The following GNAL variants were observed in gnomAD, a reference collection of about 807,000 sequenced individuals.
GNAL encodes the protein G protein subunit alpha L, also known as guanine nucleotide-binding protein G(olf) subunit alpha.
GNAL carries 18 observed loss-of-function variants against 55.1 expected under a neutral mutation model. That is an observed-to-expected ratio of 0.33 (90% confidence interval 0.23 to 0.48). The LOEUF is 0.48. Among genes scored for constraint, GNAL ranks in the 20% least tolerant of loss-of-function variants. GNAL has a pLI of 0.99. For synonymous variants in GNAL, 253 were observed against 237.0 expected, an observed-to-expected ratio of 1.07 and a Z score of -0.62; for missense variants, 412 against 614.1, an observed-to-expected ratio of 0.67 and a Z score of 3.48.
intron 2 of GNAL, among the ~76,000 whole-genome samples, 171 bp downstream of exon 2, chr18:11,753,096 C>T (rs1345912117): frequency 1.3e-5 from 2 of 151,978 alleles, no homozygotes; most frequent in African/African-American, 4.8e-5. Flanking sequence ...GCAAATCCTT[C>T]TTCTGCTAGT....
chr18:11,714,299 G>A (rs1598407719), intron 1 of GNAL, among the ~76,000 whole-genome samples: 1 of 152,178 alleles, frequency 6.6e-6, no homozygotes, highest in Admixed American at 6.5e-5. Context: ...TTTGTGGACT[G>A]TGCTTTTTCC....
At chr18:11,877,827 G>A (rs553524437) in intron 11 of GNAL, among the ~76,000 whole-genome samples, 1 of 152,284 alleles carries the variant, frequency 6.6e-6, no homozygotes, top group South Asian at 2.1e-4. Context: ...GTAACAATGA[G>A]GAGAAATCAA....
chr18:11,797,645 G>T (rs763928021), intron 4 of GNAL, among the ~76,000 whole-genome samples: 2 of 152,068 alleles, frequency 1.3e-5, no homozygotes, highest in East Asian at 1.9e-4. Context: ...TTGGGTGGTG[G>T]GGGGGCTGGT....
chr18:11,694,841 C>G (rs2031359894), intron 1 of GNAL, among the ~76,000 whole-genome samples: 1 of 152,170 alleles, frequency 6.6e-6, no homozygotes, highest in Non-Finnish European at 1.5e-5. Context: ...GGGTTGGTTT[C>G]TGGTGAGGGC....
chr18:11,876,798 G>C (rs9675350), intron 11 of GNAL, 110 bp downstream of exon 11: 1 of 745,052 alleles, frequency 1.3e-6, no homozygotes. Context: ...TTAACATTAC[G>C]AGCGATGACA....
intron 4 of GNAL, among the ~76,000 whole-genome samples, chr18:11,764,760 G>T (rs1408650881): frequency 1.3e-5 from 2 of 151,802 alleles, no homozygotes; most frequent in Non-Finnish European, 2.9e-5. Context: ...GGGCGGCAGA[G>T]TGAGACCCTG....
rs1237795241 is a variant in GNAL, at chr18:11,752,684, C to T, written c.377-169C>T. The T allele has an allele frequency of 2.3e-6, 3 of 1,278,328 alleles. No individual in the cohort carries two copies. The highest frequency in any genetic ancestry group is 1.7e-5 in the South Asian group (1 of 58,690). The allele number at this position is 1,278,328 out of a possible 1,614,324, so 79.2% of individuals were successfully genotyped here. A position where few individuals can be genotyped will look rare whatever the true frequency, so the allele number is the denominator to read the frequency against. ...AGGGCCGGGCGAGGGTCGCGCGCAC[C>T]TCTGGGCCGCGGAGCCCAGACGGCG... On this transcript the variant is annotated intron_variant, in intron 1 of 11. Coordinates refer to ENST00000334049, the MANE Select transcript of GNAL (RefSeq NM_182978.4). This position sits in a 1 kb window ranked among gnomAD's most constrained non-coding sequence, Gnocchi z 4.5.
chr18:11,773,889 G>A (rs2033705758), intron 4 of GNAL, among the ~76,000 whole-genome samples: 1 of 152,348 alleles, frequency 6.6e-6, no homozygotes, highest in Non-Finnish European at 1.5e-5. Flanking sequence ...ATGGTTAAGA[G>A]TGCAGACTTT....
chr18:11,775,184 C>T (rs1489290975), intron 4 of GNAL, among the ~76,000 whole-genome samples: 1 of 152,196 alleles, frequency 6.6e-6, no homozygotes, highest in African/African-American at 2.4e-5. Context: ...GCAAGTGGTT[C>T]TGGGGGGCCC....
intron 4 of GNAL, among the ~76,000 whole-genome samples, chr18:11,781,334 A>G (rs2033919720): frequency 6.6e-6 from 1 of 152,190 alleles, no homozygotes; most frequent in Non-Finnish European, 1.5e-5. Context: ...AGAAAGCCCA[A>G]CCTTGGATTG....
intron 5 of GNAL, among the ~76,000 whole-genome samples, chr18:11,846,860 G>A (rs1032820699): frequency 4.6e-5 from 7 of 151,886 alleles, no homozygotes; most frequent in Non-Finnish European, 1.0e-4. Context: ...TACAGGCATC[G>A]GCCATCACAC....
chr18:11,800,510 T>C (rs77899362), intron 4 of GNAL, among the ~76,000 whole-genome samples: 1 of 152,308 alleles, frequency 6.6e-6, no homozygotes, highest in African/African-American at 2.4e-5. Context: ...TTTATTGTTG[T>C]GTGGGAGCAG....
intron 5 of GNAL, among the ~76,000 whole-genome samples, chr18:11,850,428 C>T (rs1409021938): frequency 1.3e-5 from 2 of 152,218 alleles, no homozygotes; most frequent in Non-Finnish European, 2.9e-5. Context: ...CAGCCTACCT[C>T]ATTAGGGCAG....
At position 11,878,007 on chromosome 18, in the gene GNAL, A is replaced by G. The variant is rs1290020162; in HGVS notation, c.1230+1319A>G. Among the ~76,000 whole-genome samples the G allele has an allele frequency of 3.3e-5, 5 of 152,366 alleles. No individual in the cohort carries two copies. The East Asian group carries it at 9.6e-4, about 29-fold the overall frequency. On this transcript the variant is annotated intron_variant, in intron 11 of 11. Coordinates refer to ENST00000334049, the MANE Select transcript of GNAL (RefSeq NM_182978.4). The stretch of plus-strand genomic sequence containing the variant: ...TTAATGTGCATTGCAAATCTCTTCA[A>G]TAAGGGAATTTAGTTTGTAATAGCT...
At chr18:11,859,558 C>T (rs1251660057) in intron 5 of GNAL, among the ~76,000 whole-genome samples, 3 of 152,158 alleles carry the variant, frequency 2.0e-5, no homozygotes, top group Non-Finnish European at 2.9e-5. Context: ...GGTCCCTTCC[C>T]TTTGTTCCTT....
chr18:11,768,767 G>A (rs1334784173), intron 4 of GNAL, among the ~76,000 whole-genome samples: 8 of 147,472 alleles, frequency 5.4e-5, no homozygotes, highest in African/African-American at 1.3e-4. Flanking sequence ...GGTGGCAGGC[G>A]CCTGTAGTCC....
Position 11,751,357 on chromosome 18 carries a change from G to A in GNAL, c.377-1496G>A. 3.9e-6 allele frequency: 1 copy of A among 258,172 alleles called. No homozygotes were observed. The highest frequency in any genetic ancestry group is 6.1e-6 in the Non-Finnish European group (1 of 165,000). The allele number at this position is 258,172 out of a possible 1,614,324, so 16.0% of individuals were successfully genotyped here. On this transcript the variant is annotated intron_variant, in intron 1 of 11. Transcript: ENST00000334049. This position sits in a 1 kb window ranked among gnomAD's most constrained non-coding sequence, Gnocchi z 4.5. Reference sequence around the variant, plus strand: ...CCTCTGCTACAACGCCAAGTTCGAGGCCACAGTGCCTTCTGGAAGAGTTGT... The same window carrying A: ...CCTCTGCTACAACGCCAAGTTCGAGACCACAGTGCCTTCTGGAAGAGTTGT...
chr18:11,862,352 T>C (rs370395167), intron 5 of GNAL, 43 bp from the exon 6 acceptor site: 7 of 1,527,508 alleles, frequency 4.6e-6, no homozygotes, highest in Non-Finnish European at 5.4e-6. Context: ...CAGGGGAAAG[T>C]GGGCAGAGAA....
intron 9 of GNAL, among the ~76,000 whole-genome samples, chr18:11,870,552 G>C (rs984509162): frequency 4.5e-5 from 6 of 134,572 alleles, no homozygotes; most frequent in Non-Finnish European, 9.8e-5. Context: ...TTTTAATTTT[G>C]AAAATAAATA....
Sources: gnomAD v4.1 joint callset for allele counts (sites outside exome capture counted in the v4.1 genomes callset) on GRCh38, gnomAD v4.1.1 for gene constraint, Gnocchi (gnomAD v3.1) non-coding constraint, MANE v1.5 for transcripts, NCBI Gene and HGNC (gene_info 2026-07-23, HGNC 2026-07-21) for gene names.